Variants in CEP131 observed in about 807,000 individuals in gnomAD.
CEP131 encodes the protein centrosomal protein 131.
CEP131 carries 99 observed loss-of-function variants against 136.8 expected under a neutral mutation model. The observed-to-expected ratio is 0.72, with a 90% CI of 0.62 to 0.86. CEP131 has a LOEUF of 0.86. CEP131 is among the 40% of genes least tolerant of loss of function. The pLI is 0.00. For synonymous variants in CEP131, 646 were observed against 612.7 expected (o/e 1.05, Z -0.80); for missense variants, 1,459 against 1,463.0 (o/e 1.00, Z 0.04).
chr17:81,200,865 G>A (rs1015913570), intron 7 of CEP131, among the ~76,000 whole-genome samples: 1 of 152,166 alleles, frequency 6.6e-6, no homozygotes, highest in Admixed American at 6.5e-5. Flanking sequence ...GAGGGTGGTC[G>A]GAACAGGCAG....
At chr17:81,190,520 C>T in intron 24 of CEP131, 119 bp downstream of exon 24, 2 of 1,283,160 alleles carry the variant, frequency 1.6e-6, no homozygotes, top group South Asian at 3.2e-5. Context: ...TCTACAGGGC[C>T]CTGTCTCTGC....
chr17:81,198,111 T>C lies in CEP131; in HGVS notation c.1470+4A>G. 1.3e-6 allele frequency: 2 copies of C among 1,557,686 alleles called. No homozygotes were observed. The highest frequency in any genetic ancestry group is 1.7e-6 in the Non-Finnish European group (2 of 1,152,008). On this transcript the variant is annotated splice_donor_region_variant and intron_variant, in intron 12 of 25. Coordinates refer to ENST00000450824, the MANE Select transcript of CEP131 (RefSeq NM_014984.4). ...TGTGCAGGGCGGGCGCACACCGTGG[T>C]CACCTCGCTGGCCCAGGCGTATCTG...
Position 81,208,815 on chromosome 17 carries a change from G to A in CEP131, c.272+113C>T, listed in dbSNP as rs1168299379. The A allele has an allele frequency of 1.5e-5, 12 of 823,194 alleles. No individual in the cohort carries two copies. Among genetic ancestry groups the A allele is most frequent in the South Asian group, 3.3e-5 (2 of 60,560 alleles). The allele number at this position is 823,194 out of a possible 1,614,324, so 51.0% of individuals were successfully genotyped here. Reference sequence around the variant, plus strand: ...AGGCCTCACTAGCCAGCAAGGGCCCGGGACCCAGGAGGCTGGAGGAAGGGC... The same window carrying A: ...AGGCCTCACTAGCCAGCAAGGGCCCAGGACCCAGGAGGCTGGAGGAAGGGC... On this transcript the variant is annotated intron_variant, in intron 3 of 25. Transcript: ENST00000450824. The surrounding 1 kb of genome is among the most constrained non-coding windows in gnomAD (Gnocchi z 5.6).
chr17:81,202,165 C>A, intron 7 of CEP131, 75 bp downstream of exon 7: 1 of 267,750 alleles, frequency 3.7e-6, no homozygotes, highest in Non-Finnish European at 7.7e-6. Context: ...GAGGTGTGAG[C>A]CCCCCAGACC....
Position 81,189,955 on chromosome 17 carries a change from C to A in CEP131, c.3128G>T (p.Arg1043Met). Residue 1043 changes from arginine (R) to methionine (M), a missense_variant, in exon 25 of 26, where the codon AGG becomes ATG. By Grantham distance (91) the Arg-to-Met change is moderately conservative. Coordinates refer to ENST00000450824, the MANE Select transcript of CEP131 (RefSeq NM_014984.4). ...GAGGCTGCTCACGGCCTCCTCCTTC[C>A]TCGCGAGGGCTGTCTTCACCCTGTG... ...VHRRVKTALA[R>M]KEEAVSSLRT... 6.2e-7 allele frequency: 1 copy of A among 1,610,732 alleles called. No homozygotes were observed. The highest frequency in any genetic ancestry group is 8.5e-7 in the Non-Finnish European group (1 of 1,178,092).
intron 2 of CEP131, among the ~76,000 whole-genome samples, chr17:81,210,550 C>G (rs2062109803): frequency 6.6e-6 from 1 of 151,878 alleles, no homozygotes; most frequent in Non-Finnish European, 1.5e-5. Context: ...AGCCTGGAGA[C>G]AGAGCGAGAC....
Position 81,201,877 on chromosome 17 carries a change from G to A in CEP131, c.788+363C>T, listed in dbSNP as rs373781699. On this transcript the variant is annotated intron_variant, in intron 7 of 25. Transcript: ENST00000450824. ...AGCACTTTGGGAGGCGGAGGCGGGC[G>A]GATCACGAGGTCAGGAGATCGAGAA... Among the ~76,000 whole-genome samples, 42 of 152,286 alleles carry A rather than the reference G, an allele frequency of 2.8e-4. No homozygotes were observed. In the East Asian group the frequency reaches 6.8e-3, roughly 24 times the overall value.
intron 18 of CEP131, 32 bp downstream of exon 18, chr17:81,193,894 C>G: frequency 2.0e-6 from 3 of 1,530,038 alleles, no homozygotes; most frequent in Non-Finnish European, 2.6e-6. Context: ...CCCTGAGGGT[C>G]CTGGCCCCAC....
At chr17:81,195,735 A>G in intron 16 of CEP131, 100 bp downstream of exon 16, 1 of 1,035,524 alleles carries the variant, frequency 9.7e-7, no homozygotes, top group Non-Finnish European at 1.4e-6. Context: ...CGAGACAGGA[A>G]TGAGGACTCC....
intron 2 of CEP131, among the ~76,000 whole-genome samples, chr17:81,217,311 C>T (rs544710039): frequency 5.5e-4 from 84 of 152,032 alleles, no homozygotes; most frequent in African/African-American, 1.9e-3. Context: ...AGGCCGTGGA[C>T]GCAGGAAGAT....
chr17:81,213,786 C>T (rs976902595), intron 2 of CEP131, among the ~76,000 whole-genome samples: 1 of 152,182 alleles, frequency 6.6e-6, no homozygotes. Context: ...AGGCCAGCAG[C>T]ATCACCAGTG....
chr17:81,190,515 A>C, intron 24 of CEP131, 124 bp downstream of exon 24: 1 of 1,249,508 alleles, frequency 8.0e-7, no homozygotes, highest in South Asian at 1.6e-5. Flanking sequence ...CTCTGTCTAC[A>C]GGGCCCTGTC....
chr17:81,194,191 G>A, intron 17 of CEP131, 64 bp from the exon 18 acceptor site: 1 of 1,400,628 alleles, frequency 7.1e-7, no homozygotes, highest in African/African-American at 1.5e-5. Context: ...TCCAACCCTG[G>A]CACAAGACCA....
intron 18 of CEP131, 72 bp from the exon 19 acceptor site, chr17:81,192,915 C>T (rs918263589): frequency 2.5e-5 from 39 of 1,535,570 alleles, no homozygotes; most frequent in Middle Eastern, 2.2e-4. Context: ...CGCAGGGGCA[C>T]GGGCCGACCA....
At position 81,219,813 on chromosome 17, in the gene CEP131, T is replaced by G; in HGVS notation, c.177+67A>C. 5 of 1,431,512 alleles carry G rather than the reference T, an allele frequency of 3.5e-6. No individual in the cohort carries two copies. Among genetic ancestry groups the G allele is most frequent in the African/African-American group, 1.5e-5 (1 of 68,486 alleles). The allele number at this position is 1,431,512 out of a possible 1,614,324, so 88.7% of individuals were successfully genotyped here. On this transcript the variant is annotated intron_variant, in intron 2 of 25. Transcript: ENST00000450824. This position sits in a 1 kb window ranked among gnomAD's most constrained non-coding sequence, Gnocchi z 4.0. ...TCACCTGTGGAGCTGGACCCAGGGGTCAGATGCCAACTGAACAACAGCCCT... is the reference window on the plus strand; with the variant it reads ...TCACCTGTGGAGCTGGACCCAGGGGGCAGATGCCAACTGAACAACAGCCCT...
rs540608504 is a variant in CEP131 at position 81,205,946 on chromosome 17, C to T, written c.515+798G>A. On this transcript the variant is annotated intron_variant, in intron 5 of 25. Coordinates refer to ENST00000450824, the MANE Select transcript of CEP131 (RefSeq NM_014984.4). ...TTGAGCTGGGTGCAGTGGCTCACGC[C>T]TATAATCCCAGCACTTTGGGAGGCC... 2.0e-5 allele frequency among the ~76,000 whole-genome samples: 3 copies of T among 152,244 alleles called. No homozygotes were observed. The South Asian group carries it at 6.2e-4, about 32-fold the overall frequency.
chr17:81,195,091 G>T, intron 16 of CEP131, 119 bp from the exon 17 acceptor site: 1 of 772,496 alleles, frequency 1.3e-6, no homozygotes, highest in Non-Finnish European at 2.2e-6. Context: ...GGCACTCATG[G>T]TTGGGTGTGC....
Position 81,212,572 on chromosome 17 carries a change from C to T in CEP131, c.178-3550G>A, listed in dbSNP as rs114608940. ...GTGCAGAGGGGCTGTCCCGAGGAGC[C>T]GTGGGCAGGAGTGGGGCCCGTGCAG... is the stretch of plus-strand genomic sequence containing the variant. On this transcript the variant is annotated intron_variant, in intron 2 of 25. Coordinates refer to ENST00000450824, the MANE Select transcript of CEP131 (RefSeq NM_014984.4). Among the ~76,000 whole-genome samples, 1,455 of 149,846 alleles carry T rather than the reference C, an allele frequency of 9.7e-3. 18 individuals are homozygous for T. Among genetic ancestry groups the T allele is most frequent in the Middle Eastern group, 0.041 (12 of 292 alleles).
chr17:81,198,088 T>C lies in CEP131; in HGVS notation c.1470+27A>G, dbSNP rs112913318. 1.5e-5 allele frequency: 23 copies of C among 1,535,530 alleles called. No individual in the cohort carries two copies. In the African/African-American group the frequency reaches 2.3e-4, roughly 15 times the overall value. ...GTGAATGGCGTGGGTGGACAGACTG[T>C]GCAGGGCGGGCGCACACCGTGGTCA... On this transcript the variant is annotated intron_variant, in intron 12 of 25. Transcript: ENST00000450824.
Sources: gnomAD v4.1 joint callset for allele counts (sites outside exome capture counted in the v4.1 genomes callset) on GRCh38, gnomAD v4.1.1 for gene constraint, Gnocchi (gnomAD v3.1) non-coding constraint, MANE v1.5 for transcripts, NCBI Gene and HGNC (gene_info 2026-07-23, HGNC 2026-07-21) for gene names.